The following GMDS variants were observed in gnomAD, a reference collection of about 807,000 sequenced individuals.
The protein encoded by GMDS is GDP-mannose 4,6 dehydratase.
GMDS carries 20 observed loss-of-function variants against 49.9 expected under a neutral mutation model. That is an observed-to-expected ratio of 0.40 (90% CI 0.28 to 0.58). GMDS has a LOEUF of 0.58. GMDS is among the 20% of genes least tolerant of loss of function. The probability of loss-of-function intolerance (pLI) is 0.42; values close to 1 mark genes in which losing one functional copy is unlikely to be tolerated. For missense variants in GMDS, 362 were observed against 481.4 expected (o/e 0.75, Z 2.32); for synonymous variants, 177 against 178.6 (o/e 0.99, Z 0.07).
At chr6:1,996,424 C>T (rs9503063) in intron 4 of GMDS, among the ~76,000 whole-genome samples, 65,356 of 151,996 alleles carry the variant, frequency 0.43, 14,499 homozygotes, top group African/African-American at 0.54. Context: ...TAGTAGACTA[C>T]CTCTATTAGA....
chr6:1,838,125 T>A (rs531045959), intron 7 of GMDS, among the ~76,000 whole-genome samples: 93 of 152,278 alleles, frequency 6.1e-4, no homozygotes, highest in African/African-American at 2.2e-3. Flanking sequence ...CAGGAAATGC[T>A]AATAAAAGAA....
intron 7 of GMDS, among the ~76,000 whole-genome samples, chr6:1,904,327 C>T (rs1223988261): frequency 6.6e-6 from 1 of 152,154 alleles, no homozygotes; most frequent in Non-Finnish European, 1.5e-5. Flanking sequence ...GGGGGCCTTA[C>T]TGTTAATCAG....
intron 7 of GMDS, among the ~76,000 whole-genome samples, chr6:1,750,561 C>T (rs891881003): frequency 7.2e-5 from 11 of 152,310 alleles, no homozygotes; most frequent in Middle Eastern, 6.8e-3. Context: ...CCAGATACTA[C>T]GCTTTTCCCA....
intron 4 of GMDS, among the ~76,000 whole-genome samples, chr6:2,042,248 G>A (rs1769729289): frequency 6.6e-6 from 1 of 151,782 alleles, no homozygotes. Context: ...ATACCTTAAA[G>A]TATTCAACAG....
intron 7 of GMDS, among the ~76,000 whole-genome samples, chr6:1,772,097 A>C (rs1410560028): frequency 2.0e-5 from 3 of 152,234 alleles, no homozygotes; most frequent in Non-Finnish European, 2.9e-5. Flanking sequence ...ACAGTACAAT[A>C]ATGTGTCCAA....
intron 1 of GMDS, among the ~76,000 whole-genome samples, chr6:2,135,845 T>C (rs889145769): frequency 6.6e-6 from 1 of 152,244 alleles, no homozygotes; most frequent in African/African-American, 2.4e-5. Context: ...ATTATCCAGA[T>C]ATTTTACATA....
At chr6:2,039,821 A>G (rs1769547018) in intron 4 of GMDS, among the ~76,000 whole-genome samples, 1 of 152,216 alleles carries the variant, frequency 6.6e-6, no homozygotes, top group Non-Finnish European at 1.5e-5. Flanking sequence ...TAATATAAGC[A>G]GAAGCACAGT....
At chr6:2,205,329 T>G (rs1779759149) in intron 1 of GMDS, among the ~76,000 whole-genome samples, 1 of 152,178 alleles carries the variant, frequency 6.6e-6, no homozygotes, top group Admixed American at 6.5e-5. Flanking sequence ...ACTCCCCCAT[T>G]GAAAAGTTCA....
At chr6:2,068,391 A>C (rs1771755338) in intron 4 of GMDS, among the ~76,000 whole-genome samples, 1 of 151,982 alleles carries the variant, frequency 6.6e-6, no homozygotes, top group Non-Finnish European at 1.5e-5. Flanking sequence ...CTCCTATTCA[A>C]CATAGTGTTG....
intron 4 of GMDS, among the ~76,000 whole-genome samples, chr6:2,110,903 A>C (rs1043519841): frequency 6.6e-6 from 1 of 152,252 alleles, no homozygotes; most frequent in Non-Finnish European, 1.5e-5. Context: ...ATCCTTTTCA[A>C]AACTAAAAAA....
intron 7 of GMDS, among the ~76,000 whole-genome samples, chr6:1,751,259 C>A (rs1451130740): frequency 6.6e-6 from 1 of 152,160 alleles, no homozygotes; most frequent in Non-Finnish European, 1.5e-5. Flanking sequence ...GGTCCCTGAC[C>A]CCCGTGCCTC....
At position 1,836,997 on chromosome 6, in the gene GMDS, G is replaced by A. The variant is rs1028472782; in HGVS notation, c.771+93106C>T. Among the ~76,000 whole-genome samples the A allele has an allele frequency of 1.6e-4, 25 of 152,304 alleles. No homozygotes were observed. The highest frequency in any genetic ancestry group is 2.9e-4 in the Non-Finnish European group (20 of 68,028). On this transcript the variant is annotated intron_variant, in intron 7 of 10. Transcript: ENST00000380815. This position sits in a 1 kb window ranked among gnomAD's most constrained non-coding sequence, Gnocchi z 4.2. ...GGCTAAAAATTCATATACAGGAAGT[G>A]GAAGTCTTTATATTTCATTTCAGTT...
chr6:2,208,656 A>G (rs1370989686), intron 1 of GMDS, among the ~76,000 whole-genome samples: 1 of 152,222 alleles, frequency 6.6e-6, no homozygotes, highest in East Asian at 1.9e-4. Flanking sequence ...ATGGCAGCCC[A>G]AACTGTGGAA....
intron 7 of GMDS, among the ~76,000 whole-genome samples, chr6:1,784,663 C>CT (rs1769251844): frequency 6.6e-6 from 1 of 152,294 alleles, no homozygotes; most frequent in East Asian, 1.9e-4. Context: ...GATTGACACC[C>CT]TTATGCCACT....
intron 2 of GMDS, among the ~76,000 whole-genome samples, chr6:2,121,584 C>T (rs1232739954): frequency 6.6e-6 from 1 of 152,128 alleles, no homozygotes; most frequent in African/African-American, 2.4e-5. Flanking sequence ...GGCCCCACGG[C>T]TTCAGGAGTC....
chr6:1,782,115 G>A (rs1335772575), intron 7 of GMDS, among the ~76,000 whole-genome samples: 1 of 152,186 alleles, frequency 6.6e-6, no homozygotes, highest in African/African-American at 2.4e-5. Flanking sequence ...CTGCATGGAA[G>A]AAAGAGAATT....
chr6:2,154,862 G>GAAAAAAAAAAAAAAAAAA (rs1562103386), intron 1 of GMDS, among the ~76,000 whole-genome samples: 1 of 33,830 alleles, frequency 3.0e-5, no homozygotes, highest in African/African-American at 7.6e-5. Flanking sequence ...TTGAAGAGAT[G>GAAAAAAAAAAAAAAAAAA]CAAAAAAAAA....
At chr6:2,135,776 A>T (rs981761145) in intron 1 of GMDS, among the ~76,000 whole-genome samples, 10 of 152,386 alleles carry the variant, frequency 6.6e-5, no homozygotes, top group African/African-American at 2.4e-4. Context: ...AGAAACAGAT[A>T]AAGATGAATT....
At chr6:1,871,747 T>G (rs965233960) in intron 7 of GMDS, among the ~76,000 whole-genome samples, 4 of 152,220 alleles carry the variant, frequency 2.6e-5, no homozygotes, top group African/African-American at 9.6e-5. Context: ...CTTGTAAGGA[T>G]TTTTTAAAAA....
Sources: gnomAD v4.1 joint callset for allele counts (sites outside exome capture counted in the v4.1 genomes callset) on GRCh38, gnomAD v4.1.1 for gene constraint, Gnocchi (gnomAD v3.1) non-coding constraint, MANE v1.5 for transcripts, NCBI Gene and HGNC (gene_info 2026-07-23, HGNC 2026-07-21) for gene names.